Variants in CEP44 observed in about 807,000 individuals in gnomAD.
The protein encoded by CEP44 is centrosomal protein of 44 kDa.
CEP44 carries 45 observed loss-of-function variants against 46.7 expected under a neutral mutation model. That is an observed-to-expected ratio of 0.96 (90% confidence interval 0.76 to 1.24). The LOEUF (loss-of-function observed/expected upper bound fraction) is 1.24. Among genes scored for constraint, CEP44 ranks in the 50% most tolerant of loss-of-function variants. CEP44 has a pLI of 0.00. For missense variants in CEP44, 475 were observed against 459.7 expected, an observed-to-expected ratio of 1.03 and a Z score of -0.30; for synonymous variants, 142 against 146.0, an observed-to-expected ratio of 0.97 and a Z score of 0.20.
chr4:174,307,466 AT>A (rs1429686052), intron 6 of CEP44, among the ~76,000 whole-genome samples: 1 of 152,200 alleles, frequency 6.6e-6, no homozygotes, highest in Admixed American at 6.5e-5. Flanking sequence ...TCAACTCAAG[AT>A]GGATTAGAGA....
chr4:174,292,576 C>T (rs2126519280), intron 1 of CEP44, among the ~76,000 whole-genome samples: 1 of 152,086 alleles, frequency 6.6e-6, no homozygotes, highest in African/African-American at 2.4e-5. Context: ...ATATTTCTTC[C>T]TCTAATTGTA....
chr4:174,296,568 G>T (rs1415232053), intron 1 of CEP44, among the ~76,000 whole-genome samples: 1 of 151,650 alleles, frequency 6.6e-6, no homozygotes, highest in Non-Finnish European at 1.5e-5. Context: ...ATCCATTGTG[G>T]TCTAAAAGCA....
Position 174,318,022 on chromosome 4 carries a change from A to C in CEP44, c.*639A>C. 1.0e-6 allele frequency: 1 copy of C among 985,406 alleles called. No individual in the cohort carries two copies. Among genetic ancestry groups the C allele is most frequent in the Middle Eastern group, 5.2e-4 (1 of 1,914 alleles). 61.0% of individuals were successfully genotyped at this position (985,406 alleles called of 1,614,324 possible). On this transcript the variant is annotated 3_prime_UTR_variant, in exon 12 of 12. Transcript: ENST00000503780. ...CAAGAGGACTATGGTCTCAAGGTTC[A>C]CCATGAGAAATGTGTTGAACATTTT...
intron 1 of CEP44, among the ~76,000 whole-genome samples, chr4:174,296,611 G>A (rs1043540353): frequency 6.6e-6 from 1 of 151,950 alleles, no homozygotes; most frequent in African/African-American, 2.4e-5. Flanking sequence ...TTAAAAATGT[G>A]TTAAGGTATG....
rs1013220931 is a variant in CEP44, at chr4:174,291,177, C to G, written c.-147-6789C>G. ...TTAATAATTAAGTACTTAATTGTTTCCATTTTATTCATTGTTTTCTATTTG... is the reference window on the plus strand; with the variant it reads ...TTAATAATTAAGTACTTAATTGTTTGCATTTTATTCATTGTTTTCTATTTG... On this transcript the variant is annotated intron_variant, in intron 1 of 11. Coordinates refer to ENST00000503780, the MANE Select transcript of CEP44 (RefSeq NM_001040157.3). 2.0e-5 allele frequency among the ~76,000 whole-genome samples: 3 copies of G among 151,862 alleles called. No individual in the cohort carries two copies. In the East Asian group the frequency reaches 5.8e-4, roughly 29 times the overall value.
At chr4:174,323,855 C>G (rs1268558305), downstream of CEP44, among the ~76,000 whole-genome samples, 1 of 152,078 alleles carries the variant, frequency 6.6e-6, no homozygotes, top group Non-Finnish European at 1.5e-5. Context: ...TGGACAAGAG[C>G]TGATCCTAAT....
rs1413903735 is a variant in CEP44, at chr4:174,310,295, T to TTA, written c.885+239_885+240insTA. Among the ~76,000 whole-genome samples the TTA allele has an allele frequency of 6.6e-6, 1 of 152,012 alleles. No homozygotes were observed. The highest frequency in any genetic ancestry group is 1.5e-5 in the Non-Finnish European group (1 of 67,900). ...TCAGTTGAGCTTTTACAGATGTTAA[T>TTA]AATGCTTGAAGAATTTAAAATGAGG... On this transcript the variant is annotated intron_variant, in intron 8 of 11. Coordinates refer to ENST00000503780, the MANE Select transcript of CEP44 (RefSeq NM_001040157.3). The surrounding 1 kb of genome is among the most constrained non-coding windows in gnomAD (Gnocchi z 4.2).
At chr4:174,294,895 G>T (rs1738735788) in intron 1 of CEP44, among the ~76,000 whole-genome samples, 2 of 144,828 alleles carry the variant, frequency 1.4e-5, no homozygotes, top group Non-Finnish European at 3.1e-5. Context: ...GGCTGGCCGG[G>T]CAGATGGGCT....
rs561080583 is a variant in CEP44, at chr4:174,331,704, G to A, written c.*109G>A. 1.4e-6 allele frequency: 2 copies of A among 1,397,518 alleles called. No individual in the cohort carries two copies. The highest frequency in any genetic ancestry group is 2.5e-5 in the Admixed American group (1 of 40,620). The allele number at this position is 1,397,518 out of a possible 1,614,324, so 86.6% of individuals were successfully genotyped here. A position where few individuals can be genotyped will look rare whatever the true frequency, so the allele number is the denominator to read the frequency against. On this transcript the variant is annotated 3_prime_UTR_variant, in exon 9 of 9. Transcript: ENST00000426172. The surrounding 1 kb of genome is among the most constrained non-coding windows in gnomAD (Gnocchi z 4.5). ...TGCCTGGAAACCAGCTTCCTCCTCA[G>A]CTCCAGCTCTTTTAATGGGCATATC...
At chr4:174,294,152 A>G (rs1228138012) in intron 1 of CEP44, among the ~76,000 whole-genome samples, 6 of 151,284 alleles carry the variant, frequency 4.0e-5, no homozygotes, top group African/African-American at 1.5e-4. Context: ...AAACAAGTGA[A>G]CAAAGGTCTC....
intron 6 of CEP44, among the ~76,000 whole-genome samples, 161 bp from the exon 7 acceptor site, chr4:174,308,528 T>G (rs1321769109): frequency 6.6e-6 from 1 of 152,052 alleles, no homozygotes; most frequent in Non-Finnish European, 1.5e-5. Flanking sequence ...GGTACTAGGC[T>G]TAATACCTGG....
intron 10 of CEP44, 52 bp from the exon 11 acceptor site, chr4:174,316,478 A>T (rs1741729780): frequency 6.7e-7 from 1 of 1,491,882 alleles, no homozygotes. Flanking sequence ...TCCATCTTTG[A>T]TGATGGTTTA....
rs1741162241 is a variant in CEP44 at position 174,312,212 on chromosome 4, TA to T, written c.961+1356del. 1.3e-5 allele frequency among the ~76,000 whole-genome samples: 2 copies of T among 152,138 alleles called. No individual in the cohort carries two copies. The highest frequency in any genetic ancestry group is 4.8e-5 in the African/African-American group (2 of 41,436). ...TTGCATGCTCAGGCTTATTTTTTTT[TA>T]ATGACATGATTATAGAATATACCTT... On this transcript the variant is annotated intron_variant, in intron 9 of 11. Transcript: ENST00000503780. This position sits in a 1 kb window ranked among gnomAD's most constrained non-coding sequence, Gnocchi z 4.5.
At position 174,303,694 on chromosome 4, in the gene CEP44, C is replaced by A. The variant is rs1740026236; in HGVS notation, c.238-9C>A. The A allele has an allele frequency of 2.0e-6, 3 of 1,501,988 alleles. No individual in the cohort carries two copies. The highest frequency in any genetic ancestry group is 1.8e-6 in the Non-Finnish European group (2 of 1,100,896). The allele number at this position is 1,501,988 out of a possible 1,614,324, so 93.0% of individuals were successfully genotyped here. On this transcript the variant is annotated splice_polypyrimidine_tract_variant and intron_variant, in intron 4 of 11. Coordinates refer to ENST00000503780, the MANE Select transcript of CEP44 (RefSeq NM_001040157.3). ...TCCCAATTATTACAAGAGTCTGTTT[C>A]CTCTGCAGCTTCTTCGTGATCAATT...
intron 10 of CEP44, 97 bp from the exon 11 acceptor site, chr4:174,316,433 T>C (rs1741722362): frequency 7.4e-7 from 1 of 1,342,830 alleles, no homozygotes; most frequent in African/African-American, 1.5e-5. Flanking sequence ...CAGTACTTAA[T>C]GCAATGTTTC....
chr4:174,307,266 A>T (rs1328072923), intron 6 of CEP44, among the ~76,000 whole-genome samples: 1 of 152,194 alleles, frequency 6.6e-6, no homozygotes, highest in East Asian at 1.9e-4. Context: ...GAACAGACAC[A>T]TAGACCAATG....
In CEP44 at chr4:174,318,776, A is replaced by G; in HGVS notation, c.*1393A>G. ...TGAATTTGAAACAGTGTAAGAAATCACTTTTAAGAAAACATTTTTAGAATT... is the reference window on the plus strand; with the variant it reads ...TGAATTTGAAACAGTGTAAGAAATCGCTTTTAAGAAAACATTTTTAGAATT... On this transcript the variant is annotated 3_prime_UTR_variant, in exon 12 of 12. Transcript: ENST00000503780. The G allele has an allele frequency of 1.3e-6, 1 of 784,074 alleles. No individual in the cohort carries two copies. Among genetic ancestry groups the G allele is most frequent in the Non-Finnish European group, 1.5e-6 (1 of 648,370 alleles). The allele number at this position is 784,074 out of a possible 1,614,324, so 48.6% of individuals were successfully genotyped here. A position where few individuals can be genotyped will look rare whatever the true frequency, so the allele number is the denominator to read the frequency against.
rs1742649979 is a variant in CEP44, at chr4:174,326,138, G to T, written c.1087-5344G>T. ...ATCATTTGTTCTTAGCTGCTTTTTT[G>T]CCTCTTTTCCTGAATTATTTTTCAC... On this transcript the variant is annotated intron_variant, in intron 8 of 8. Coordinates refer to the CEP44 transcript ENST00000426172. The surrounding 1 kb of genome is among the most constrained non-coding windows in gnomAD (Gnocchi z 4.8). Among the ~76,000 whole-genome samples the T allele has an allele frequency of 6.6e-6, 1 of 151,264 alleles. No homozygotes were observed. The highest frequency in any genetic ancestry group is 6.6e-5 in the Admixed American group (1 of 15,168).
intron 8 of CEP44, among the ~76,000 whole-genome samples, chr4:174,328,396 T>C (rs1479880724): frequency 6.6e-6 from 1 of 152,228 alleles, no homozygotes; most frequent in Non-Finnish European, 1.5e-5. Context: ...CTAGTTTTTC[T>C]AAGAAATAAA....
Sources: allele counts gnomAD v4.1 joint callset (sites outside exome capture counted in the v4.1 genomes callset), GRCh38; gene constraint gnomAD v4.1.1; non-coding constraint Gnocchi (gnomAD v3.1); transcripts MANE v1.5; gene names NCBI Gene and HGNC (gene_info 2026-07-23, HGNC 2026-07-21).